Variants in SERPINB12 observed in about 807,000 individuals in gnomAD.
The protein encoded by SERPINB12 is serpin family B member 12.
Under a neutral mutation model 41.1 loss-of-function variants are expected in SERPINB12, and 57 were observed. That is an observed-to-expected ratio of 1.39 (90% CI 1.12 to 1.73). The LOEUF (loss-of-function observed/expected upper bound fraction) is 1.73, where lower values mean the gene tolerates loss of function less well. Among genes scored for constraint, SERPINB12 ranks in the 40% most tolerant of loss-of-function variants. SERPINB12 has a pLI of 0.00. For missense variants in SERPINB12, 536 were observed against 501.9 expected, an observed-to-expected ratio of 1.07 and a Z score of -0.65; for synonymous variants, 180 against 181.3, an observed-to-expected ratio of 0.99 and a Z score of 0.06.
chr18:63,543,994 A>G (rs977271217), intron 1 of SERPINB12, among the ~76,000 whole-genome samples: 1 of 152,248 alleles, frequency 6.6e-6, no homozygotes, highest in Non-Finnish European at 1.5e-5. Flanking sequence ...AATAGAGGTT[A>G]TATATCTAGG....
chr18:63,556,142 A>G lies in SERPINB12; in HGVS notation c.-18A>G, dbSNP rs1303016271. On this transcript the variant is annotated splice_region_variant and 5_prime_UTR_variant, in exon 2 of 8. Coordinates refer to ENST00000382768, the MANE Select transcript of SERPINB12 (RefSeq NM_001307928.2). ...CTTTCTCCTTTTTTTTTGGTTTTAG[A>G]TCGTTATAAGTTTTACAATGGACTC... The G allele has an allele frequency of 6.3e-7, 1 of 1,593,234 alleles. No homozygotes were observed.
chr18:63,526,695 T>A, the SERPINB12 span, among the ~76,000 whole-genome samples: 1 of 152,206 alleles, frequency 6.6e-6, no homozygotes, highest in Non-Finnish European at 1.5e-5. Context: ...AAAAAAGTAT[T>A]TTACCATGTT....
At chr18:63,552,409 G>A (rs1910556482) in intron 1 of SERPINB12, among the ~76,000 whole-genome samples, 1 of 152,008 alleles carries the variant, frequency 6.6e-6, no homozygotes, top group Admixed American at 6.6e-5. Context: ...AACATAACAT[G>A]ATTTTTACTA....
At chr18:63,531,590 G>A in the SERPINB12 span, among the ~76,000 whole-genome samples, 3 of 152,148 alleles carry the variant, frequency 2.0e-5, no homozygotes, top group African/African-American at 7.2e-5. Flanking sequence ...AATATTCCCT[G>A]TCTCCTACTG....
At chr18:63,533,795 C>G in the SERPINB12 span, among the ~76,000 whole-genome samples, 2 of 152,176 alleles carry the variant, frequency 1.3e-5, no homozygotes, top group African/African-American at 4.8e-5. Flanking sequence ...TTACAGAAAT[C>G]CACATGTGCA....
the SERPINB12 span, among the ~76,000 whole-genome samples, chr18:63,532,272 C>T: frequency 6.6e-6 from 1 of 152,202 alleles, no homozygotes. Context: ...CCCTGACATC[C>T]TCTTTCACAT....
At chr18:63,557,938 A>G (rs956648757) in intron 2 of SERPINB12, among the ~76,000 whole-genome samples, 2 of 152,230 alleles carry the variant, frequency 1.3e-5, no homozygotes, top group South Asian at 4.1e-4. Flanking sequence ...TTAACCTAGT[A>G]TATGCAAAAT....
At chr18:63,529,818 T>C in the SERPINB12 span, among the ~76,000 whole-genome samples, 2 of 152,146 alleles carry the variant, frequency 1.3e-5, no homozygotes, top group Non-Finnish European at 2.9e-5. Context: ...TGTTTATTGA[T>C]TGGGGCACAA....
At chr18:63,560,308 G>T (rs532706191) in intron 4 of SERPINB12, among the ~76,000 whole-genome samples, 1 of 152,320 alleles carries the variant, frequency 6.6e-6, no homozygotes, top group Admixed American at 6.5e-5. Context: ...ACTAGAAGGA[G>T]CCATGTGCTA....
chr18:63,522,224 A>C, the SERPINB12 span, among the ~76,000 whole-genome samples: 1 of 152,356 alleles, frequency 6.6e-6, no homozygotes, highest in South Asian at 2.1e-4. Context: ...CAGACTTCAG[A>C]CTTTGTCTGC....
intron 1 of SERPINB12, among the ~76,000 whole-genome samples, chr18:63,551,482 T>C (rs963703102): frequency 6.6e-6 from 1 of 151,922 alleles, no homozygotes; most frequent in Non-Finnish European, 1.5e-5. Context: ...CATGCCACCA[T>C]GCCTGGCTAA....
chr18:63,566,739 G>C lies in SERPINB12; in HGVS notation c.1006G>C (p.Asp336His), dbSNP rs774515732. ...DSYDLNSILQ[D>H]MGITDIFDET... Reference sequence around the variant, plus strand: ...CTATGATCTCAATTCCATTTTACAAGACATGGGCATTACGGATATCTTTGA... The same window carrying C: ...CTATGATCTCAATTCCATTTTACAACACATGGGCATTACGGATATCTTTGA... The change falls in exon 8 of 8, where the codon GAC becomes CAC. Residue 336 changes from aspartate to histidine, a missense_variant. Asp to His is a moderately conservative substitution (Grantham distance 81, BLOSUM62 -1). Coordinates refer to ENST00000382768, the MANE Select transcript of SERPINB12 (RefSeq NM_001307928.2). The C allele has an allele frequency of 5.0e-6, 8 of 1,614,020 alleles. No individual in the cohort carries two copies. In the Admixed American group the frequency reaches 1.3e-4, roughly 27 times the overall value.
chr18:63,556,953 A>G (rs1011743658), intron 2 of SERPINB12, among the ~76,000 whole-genome samples: 2 of 152,216 alleles, frequency 1.3e-5, no homozygotes, highest in Non-Finnish European at 2.9e-5. Context: ...TATCCTTTGC[A>G]CAGCAGTCCA....
At chr18:63,542,518 ATTG>A (rs1487336754) in intron 1 of SERPINB12, among the ~76,000 whole-genome samples, 26 bp downstream of exon 1, 1 of 152,114 alleles carries the variant, frequency 6.6e-6, no homozygotes, top group Non-Finnish European at 1.5e-5. Context: ...TGGACAAGCT[ATTG>A]TTGGTAGAGA....
Position 63,567,009 on chromosome 18 carries a change from T to G in SERPINB12, c.1276T>G (p.Ter426GluextTer6), listed in dbSNP as rs770217066. 2.5e-6 allele frequency: 4 copies of G among 1,574,942 alleles called. No individual in the cohort carries two copies. The highest frequency in any genetic ancestry group is 1.2e-5 in the South Asian group (1 of 83,330). ...ILFYGRVCSP[*>E] ...CTTTTATGGCAGGGTCTGCTCTCCT[T>G]AAAAGGGGAGCAGTGTCTAGTACTT... The change falls in exon 8 of 8, where the codon TAA becomes GAA. Residue 426 changes from the stop codon to glutamate, a stop_lost. Coordinates refer to ENST00000382768, the MANE Select transcript of SERPINB12 (RefSeq NM_001307928.2).
At position 63,568,082 on chromosome 18, in the gene SERPINB12, A is replaced by G. The variant is rs1911175064; in HGVS notation, c.*1071A>G. 6.6e-6 allele frequency among the ~76,000 whole-genome samples: 1 copy of G among 152,248 alleles called. No individual in the cohort carries two copies. The highest frequency in any genetic ancestry group is 1.5e-5 in the Non-Finnish European group (1 of 68,042). ...AGGCTTGAGCCTGGGCATGGTGTCC[A>G]TAGCAATGCTTGTTGGCTGGGCATG... On this transcript the variant is annotated 3_prime_UTR_variant, in exon 8 of 8. Coordinates refer to ENST00000382768, the MANE Select transcript of SERPINB12 (RefSeq NM_001307928.2).
At chr18:63,559,064 T>A (rs1461757682) in intron 3 of SERPINB12, among the ~76,000 whole-genome samples, 1 of 63,518 alleles carries the variant, frequency 1.6e-5, no homozygotes, top group African/African-American at 4.2e-5. Flanking sequence ...CTTTCTCTCC[T>A]TCTTCTCTCC....
chr18:63,525,148 G>T, the SERPINB12 span, among the ~76,000 whole-genome samples: 9 of 151,870 alleles, frequency 5.9e-5, no homozygotes, highest in Non-Finnish European at 1.3e-4. Flanking sequence ...ATGCTTACTG[G>T]TTTTTTTCTA....
intron 1 of SERPINB12, among the ~76,000 whole-genome samples, chr18:63,550,724 G>A (rs1910503307): frequency 6.6e-6 from 1 of 152,062 alleles, no homozygotes; most frequent in Non-Finnish European, 1.5e-5. Flanking sequence ...CCCAACTCTG[G>A]GTACAATGGT....
Sources: allele counts gnomAD v4.1 joint callset (sites outside exome capture counted in the v4.1 genomes callset), GRCh38; gene constraint gnomAD v4.1.1; transcripts MANE v1.5; gene names NCBI Gene and HGNC (gene_info 2026-07-23, HGNC 2026-07-21).